SLMAP: variants seen among roughly 807,000 people sequenced by gnomAD.
SLMAP encodes sarcolemmal membrane-associated protein.
SLMAP carries 44 observed loss-of-function variants against 128.8 expected under a neutral mutation model. That is an observed-to-expected ratio of 0.34 (90% confidence interval 0.27 to 0.44). The LOEUF is 0.44. SLMAP is among the 20% of genes least tolerant of loss of function. SLMAP has a pLI of 1.00. For missense variants in SLMAP, 787 were observed against 985.3 expected, an observed-to-expected ratio of 0.80 and a Z score of 2.69; for synonymous variants, 327 against 348.8, an observed-to-expected ratio of 0.94 and a Z score of 0.70.
chr3:57,810,502 A>C (rs2090768491), intron 2 of SLMAP, among the ~76,000 whole-genome samples: 1 of 152,060 alleles, frequency 6.6e-6, no homozygotes, highest in Non-Finnish European at 1.5e-5. Context: ...AATTCTGTTG[A>C]TTTCACTTTC....
chr3:57,786,334 A>G (rs2084092573), intron 2 of SLMAP, among the ~76,000 whole-genome samples: 1 of 152,182 alleles, frequency 6.6e-6, no homozygotes, highest in Non-Finnish European at 1.5e-5. Context: ...GAAAAGAGCT[A>G]TCCAGAACAG....
intron 10 of SLMAP, among the ~76,000 whole-genome samples, chr3:57,864,018 C>T (rs1303426778): frequency 6.6e-6 from 1 of 152,086 alleles, no homozygotes; most frequent in African/African-American, 2.4e-5. Flanking sequence ...TACTTGCTTC[C>T]TCCAAGTTTC....
intron 2 of SLMAP, among the ~76,000 whole-genome samples, chr3:57,804,999 T>A (rs2089507626): frequency 6.6e-6 from 1 of 152,216 alleles, no homozygotes; most frequent in Non-Finnish European, 1.5e-5. Flanking sequence ...TAGATTGTTA[T>A]CTGATGTGAC....
At chr3:57,761,579 G>T (rs2078647690) in intron 2 of SLMAP, among the ~76,000 whole-genome samples, 1 of 152,088 alleles carries the variant, frequency 6.6e-6, no homozygotes, top group Admixed American at 6.6e-5. Context: ...ACAGGCATGA[G>T]CCACTGTGCT....
chr3:57,872,003 ATTAT>A (rs1346518316), intron 14 of SLMAP, among the ~76,000 whole-genome samples: 1 of 152,196 alleles, frequency 6.6e-6, no homozygotes, highest in Admixed American at 6.5e-5. Flanking sequence ...CAGAAAAATA[ATTAT>A]TTAGTTTGGG....
intron 2 of SLMAP, 40 bp downstream of exon 2, chr3:57,757,889 CTT>C: frequency 6.3e-7 from 1 of 1,591,594 alleles, no homozygotes; most frequent in Non-Finnish European, 8.6e-7. Flanking sequence ...GTTTAACAAA[CTT>C]TTTTTCCCCT....
At chr3:57,824,012 A>C (rs975703605) in intron 2 of SLMAP, among the ~76,000 whole-genome samples, 2 of 152,212 alleles carry the variant, frequency 1.3e-5, no homozygotes, top group African/African-American at 4.8e-5. Flanking sequence ...GCTGCATTAA[A>C]AAAAACTTTA....
At chr3:57,858,626 G>C (rs1026273797) in intron 8 of SLMAP, among the ~76,000 whole-genome samples, 1 of 152,078 alleles carries the variant, frequency 6.6e-6, no homozygotes, top group Non-Finnish European at 1.5e-5. Context: ...GATGATCCCA[G>C]GCTAGATCCA....
At chr3:57,849,602 T>A (rs1254563737) in intron 5 of SLMAP, 152 bp from the exon 6 acceptor site, 3 of 491,184 alleles carry the variant, frequency 6.1e-6, no homozygotes, top group African/African-American at 4.0e-5. Context: ...AAGAAAAAAA[T>A]TTAAAAGGCT....
At chr3:57,788,552 G>A (rs1313117335) in intron 2 of SLMAP, among the ~76,000 whole-genome samples, 11 of 152,192 alleles carry the variant, frequency 7.2e-5, no homozygotes, top group Admixed American at 3.9e-4. Context: ...TAGAAAAGTA[G>A]AGGCTGGGGA....
intron 14 of SLMAP, among the ~76,000 whole-genome samples, chr3:57,876,316 A>T (rs2095602865): frequency 6.6e-6 from 1 of 152,242 alleles, no homozygotes; most frequent in Admixed American, 6.5e-5. Context: ...AACACATTTC[A>T]ATTTGTTTTC....
Position 57,864,586 on chromosome 3 carries a change from A to T in SLMAP, c.1005A>T (p.Gly335=), listed in dbSNP as rs1203895418. The change falls in exon 11 of 25, where the codon GGA becomes GGT. Residue 335 remains glycine, a synonymous_variant. Coordinates refer to ENST00000671191, the MANE Select transcript of SLMAP (RefSeq NM_001377540.1). The part of the protein sequence containing the change: ...EGKQEEIQQK[G]QAEKKELQHK... ...AACAAGAGGAAATCCAACAGAAGGG[A>T]CAGGCTGAGAAAAAAGAATTACAAC... 6.3e-7 allele frequency: 1 copy of T among 1,587,106 alleles called. No individual in the cohort carries two copies. Among genetic ancestry groups the T allele is most frequent in the African/African-American group, 1.4e-5 (1 of 73,026 alleles).
intron 15 of SLMAP, 118 bp downstream of exon 15, chr3:57,890,218 G>A (rs1178436891): frequency 7.1e-6 from 6 of 844,954 alleles, no homozygotes; most frequent in East Asian, 2.7e-5. Context: ...TCACAAAATA[G>A]CAAGCCAGTA....
chr3:57,823,569 A>G (rs1203929871), intron 2 of SLMAP, among the ~76,000 whole-genome samples: 1 of 151,834 alleles, frequency 6.6e-6, no homozygotes, highest in East Asian at 1.9e-4. Context: ...TTATCGCTGC[A>G]TAGTATTCCA....
chr3:57,782,544 C>T (rs1301150681), intron 2 of SLMAP, among the ~76,000 whole-genome samples: 1 of 152,180 alleles, frequency 6.6e-6, no homozygotes, highest in Non-Finnish European at 1.5e-5. Context: ...ATGATCTGGG[C>T]TCACTACAAC....
intron 15 of SLMAP, among the ~76,000 whole-genome samples, chr3:57,894,610 ATAAAG>A (rs370287794): frequency 2.0e-5 from 3 of 152,218 alleles, no homozygotes; most frequent in Non-Finnish European, 2.9e-5. Flanking sequence ...ATAATACAAA[ATAAAG>A]TATGATTAAT....
chr3:57,776,049 T>C (rs1026402278), intron 2 of SLMAP, among the ~76,000 whole-genome samples: 3 of 152,222 alleles, frequency 2.0e-5, no homozygotes, highest in Non-Finnish European at 4.4e-5. Context: ...AAAAGGATAC[T>C]CATTCTCCCT....
intron 2 of SLMAP, among the ~76,000 whole-genome samples, chr3:57,799,308 C>T (rs531504425): frequency 6.6e-6 from 1 of 152,270 alleles, no homozygotes; most frequent in South Asian, 2.1e-4. Context: ...TAGGTAAAGC[C>T]AGCCCAAGAC....
Position 57,852,380 on chromosome 3 carries a change from T to C in SLMAP, c.519+2564T>C, listed in dbSNP as rs148735691. ...ATTACACATTTGGATTTTAATAGAG[T>C]ATTTAAGAGTATTCTAAGCCAAAAT... On this transcript the variant is annotated intron_variant, in intron 6 of 24. Coordinates refer to ENST00000671191, the MANE Select transcript of SLMAP (RefSeq NM_001377540.1). Among the ~76,000 whole-genome samples the C allele has an allele frequency of 2.2e-3, 329 of 152,250 alleles. 1 individual carries two copies. The highest frequency in any genetic ancestry group is 1.1e-3 in the Non-Finnish European group (77 of 68,018).
Sources: allele counts gnomAD v4.1 joint callset (sites outside exome capture counted in the v4.1 genomes callset), GRCh38; gene constraint gnomAD v4.1.1; transcripts MANE v1.5; gene names NCBI Gene and HGNC (gene_info 2026-07-23, HGNC 2026-07-21).